MRPL34: variants seen among roughly 807,000 people sequenced by gnomAD.
MRPL34 encodes large ribosomal subunit protein bL34m.
In MRPL34, 8 loss-of-function variants were observed where a neutral mutation model predicts 6.7. The observed-to-expected ratio is 1.20, with a 90% CI of 0.70 to 2.16. The LOEUF (loss-of-function observed/expected upper bound fraction) is 2.16. Among genes scored for constraint, MRPL34 ranks in the 30% most tolerant of loss-of-function variants. The pLI is 0.00. For missense variants in MRPL34, 146 were observed against 125.5 expected, an observed-to-expected ratio of 1.16 and a Z score of -0.78; for synonymous variants, 59 against 55.1, an observed-to-expected ratio of 1.07 and a Z score of -0.31.
upstream of MRPL34, chr19:17,301,097 C>T (rs757891883): frequency 6.2e-7 from 1 of 1,613,396 alleles, no homozygotes; most frequent in Non-Finnish European, 8.5e-7. Context: ...ACCACGTCGG[C>T]CTGGGCGCCT....
At chr19:17,294,920 T>A (rs2074087091) in intron 1 of MRPL34, 1 of 1,531,004 alleles carries the variant, frequency 6.5e-7, no homozygotes, top group African/African-American at 1.4e-5. Flanking sequence ...ACCATTTTGT[T>A]TTGCTTTGTT....
chr19:17,294,399 G>A, intron 1 of MRPL34: 1 of 1,614,068 alleles, frequency 6.2e-7, no homozygotes, highest in Admixed American at 1.7e-5. Context: ...CCTCGGGCCA[G>A]TACTGGCCGC....
At chr19:17,301,009 T>C (rs1165886987), upstream of MRPL34, 1 of 1,613,424 alleles carries the variant, frequency 6.2e-7, no homozygotes, top group Non-Finnish European at 8.5e-7. Flanking sequence ...CACCACCTCA[T>C]AGCCTAGGCG....
chr19:17,303,170 G>A (rs1293123837), upstream of MRPL34: 1 of 152,252 alleles, frequency 6.6e-6, no homozygotes, highest in East Asian at 1.9e-4. Context: ...CGCGGGGTTG[G>A]TGGACACCAC....
chr19:17,305,150 C>T (rs559684005), upstream of MRPL34, among the ~76,000 whole-genome samples: 12 of 151,362 alleles, frequency 7.9e-5, no homozygotes, highest in East Asian at 1.7e-3. Context: ...GATGGAAGGG[C>T]TGAGCAGGTT....
chr19:17,297,546 G>A (rs531230363), intron 1 of MRPL34, among the ~76,000 whole-genome samples: 14 of 152,024 alleles, frequency 9.2e-5, no homozygotes, highest in South Asian at 8.3e-4. Context: ...CGCCTGCCTC[G>A]GCCTCCAAAA....
At chr19:17,299,243 C>A (rs568501768), upstream of MRPL34, among the ~76,000 whole-genome samples, 1 of 148,644 alleles carries the variant, frequency 6.7e-6, no homozygotes, top group Non-Finnish European at 1.5e-5. Flanking sequence ...GACCCCCCCC[C>A]CATTCTCTAT....
chr19:17,305,774 A>G (rs1037430548), upstream of MRPL34: 7 of 1,001,702 alleles, frequency 7.0e-6, no homozygotes, highest in Admixed American at 7.5e-5. Flanking sequence ...GTTTTCCCCA[A>G]CGGCCTCTTT....
intron 1 of MRPL34, chr19:17,294,141 C>A: frequency 1.1e-6 from 1 of 951,374 alleles, no homozygotes; most frequent in South Asian, 1.7e-5. Flanking sequence ...GATACAGCAA[C>A]TAGAGGCCAC....
chr19:17,292,659 G>C (rs144620092), exon 1 of MRPL34: 4 of 1,607,662 alleles, frequency 2.5e-6, no homozygotes, highest in South Asian at 1.1e-5. Flanking sequence ...CCGGCCCAGC[G>C]GCTACTTCTT....
Position 17,294,407 on chromosome 19 carries a change from C to T in MRPL34, c.214+1553C>T, listed in dbSNP as rs186428731. The T allele has an allele frequency of 6.2e-7, 1 of 1,614,054 alleles. No homozygotes were observed. The highest frequency in any genetic ancestry group is 1.7e-5 in the Admixed American group (1 of 60,010). On this transcript the variant is annotated intron_variant, in intron 1 of 2. Coordinates refer to the MRPL34 transcript ENST00000595444. ...TCGTCGCCCTCGGGCCAGTACTGGC[C>T]GCTCATCATGGCCCGGAGTACGAAG... is the stretch of plus-strand genomic sequence containing the variant.
intron 1 of MRPL34, among the ~76,000 whole-genome samples, chr19:17,295,146 C>T (rs1431056942): frequency 7.5e-6 from 1 of 133,456 alleles, no homozygotes; most frequent in Non-Finnish European, 1.6e-5. Context: ...TCGCCCAGGC[C>T]GGACTGCGGA....
upstream of MRPL34, among the ~76,000 whole-genome samples, chr19:17,302,580 C>T (rs2074125778): frequency 6.6e-6 from 1 of 152,200 alleles, no homozygotes; most frequent in Non-Finnish European, 1.5e-5. Flanking sequence ...CTCAGCTCCC[C>T]TAGACCGGGG....
At chr19:17,293,820 A>G (rs1407958058) in intron 1 of MRPL34, among the ~76,000 whole-genome samples, 1 of 151,926 alleles carries the variant, frequency 6.6e-6, no homozygotes, top group Non-Finnish European at 1.5e-5. Context: ...CAGCCTCCCA[A>G]GTTGCAGCGA....
intron 1 of MRPL34, chr19:17,294,965 C>T: frequency 2.4e-6 from 3 of 1,273,724 alleles, no homozygotes; most frequent in South Asian, 1.4e-5. Context: ...ACTCTGTCCC[C>T]CAGGCTGGAA....
Position 17,306,424 on chromosome 19 carries a change from C to T in MRPL34, c.*45C>T, listed in dbSNP as rs2074149223. The T allele has an allele frequency of 6.7e-7, 1 of 1,493,400 alleles. No individual in the cohort carries two copies. 92.5% of individuals were successfully genotyped at this position (1,493,400 alleles called of 1,614,324 possible). A position where few individuals can be genotyped will look rare whatever the true frequency, so the allele number is the denominator to read the frequency against. ...GGGACCCTCATGGAAGCATCGCCCT[C>T]GCCTCGGACCTTGCCTGGCGCTATT... On this transcript the variant is annotated 3_prime_UTR_variant, in exon 2 of 2. Transcript: ENST00000252602.
upstream of MRPL34, among the ~76,000 whole-genome samples, chr19:17,299,556 A>G (rs549483323): frequency 1.4e-3 from 162 of 119,392 alleles, 1 homozygote; most frequent in Non-Finnish European, 6.1e-4. Context: ...GTGAGACTCC[A>G]TCTCAAAAAA....
chr19:17,301,538 C>G, upstream of MRPL34: 12 of 1,609,700 alleles, frequency 7.5e-6, no homozygotes, highest in Non-Finnish European at 1.0e-5. Context: ...CTGGACTCGA[C>G]GCTCTCCAGT....
chr19:17,294,683 G>A (rs1204403536), intron 1 of MRPL34: 15 of 1,613,714 alleles, frequency 9.3e-6, no homozygotes, highest in African/African-American at 1.3e-5. Context: ...ACTTGAGGAA[G>A]CTCCAGGCCA....
Sources: gnomAD v4.1 joint callset for allele counts (sites outside exome capture counted in the v4.1 genomes callset) on GRCh38, gnomAD v4.1.1 for gene constraint, MANE v1.5 for transcripts, NCBI Gene and HGNC (gene_info 2026-07-23, HGNC 2026-07-21) for gene names.